MAP3K20: variants seen among roughly 807,000 people sequenced by gnomAD.
MAP3K20 encodes the protein mitogen-activated protein kinase kinase kinase 20.
A neutral mutation model predicts 85.7 loss-of-function variants in MAP3K20; 40 were observed. The ratio of observed to expected loss-of-function variants is 0.47; its 90% CI spans 0.36 to 0.61. MAP3K20 has a LOEUF of 0.61. Among genes scored for constraint, MAP3K20 ranks in the 20% least tolerant of loss-of-function variants. The pLI is 0.00. For missense variants in MAP3K20, 817 were observed against 961.7 expected (o/e 0.85, Z 1.99); for synonymous variants, 325 against 327.7 (o/e 0.99, Z 0.09).
At chr2:173,106,701 T>G (rs1284484035) in intron 2 of MAP3K20, among the ~76,000 whole-genome samples, 1 of 152,118 alleles carries the variant, frequency 6.6e-6, no homozygotes, top group Non-Finnish European at 1.5e-5. Context: ...ATTCTGTGAT[T>G]TGGCCTGGAA....
chr2:173,219,054 T>A (rs1193798579), intron 11 of MAP3K20, among the ~76,000 whole-genome samples: 11 of 152,242 alleles, frequency 7.2e-5, no homozygotes. Context: ...TTTTAATGTG[T>A]CTTCTGCTTA....
chr2:173,232,784 G>A (rs1462406017), intron 14 of MAP3K20, among the ~76,000 whole-genome samples: 2 of 152,100 alleles, frequency 1.3e-5, no homozygotes, highest in African/African-American at 2.4e-5. Flanking sequence ...GATTACAGGC[G>A]TGAGCCACCA....
At chr2:173,210,058 A>G (rs1347390678) in intron 10 of MAP3K20, 3 of 535,134 alleles carry the variant, frequency 5.6e-6, no homozygotes, top group Non-Finnish European at 1.0e-5. Flanking sequence ...AAGTATTTGA[A>G]AAGAATATTG....
chr2:173,239,034 C>T (rs917377727), intron 15 of MAP3K20, among the ~76,000 whole-genome samples: 1 of 152,136 alleles, frequency 6.6e-6, no homozygotes, highest in African/African-American at 2.4e-5. Flanking sequence ...CTGCGTAATC[C>T]GTCTTTGGGA....
At chr2:173,098,814 G>A (rs1269962596) in intron 2 of MAP3K20, among the ~76,000 whole-genome samples, 1 of 151,854 alleles carries the variant, frequency 6.6e-6, no homozygotes, top group Non-Finnish European at 1.5e-5. Context: ...TAGGTCAGTG[G>A]TTCTCTCAAA....
chr2:173,099,898 A>C (rs1383099286), intron 2 of MAP3K20, among the ~76,000 whole-genome samples: 1 of 152,232 alleles, frequency 6.6e-6, no homozygotes, highest in Non-Finnish European at 1.5e-5. Flanking sequence ...GAATGAGATC[A>C]TATATGTGAA....
chr2:173,195,467 A>G (rs1301444062), intron 7 of MAP3K20, among the ~76,000 whole-genome samples: 2 of 152,234 alleles, frequency 1.3e-5, no homozygotes, highest in Non-Finnish European at 2.9e-5. Context: ...TTTAAATGTG[A>G]GGACGTCTCA....
chr2:173,164,196 G>C (rs1689748218), intron 2 of MAP3K20, among the ~76,000 whole-genome samples: 1 of 152,074 alleles, frequency 6.6e-6, no homozygotes, highest in African/African-American at 2.4e-5. Flanking sequence ...CTGCCCTTGT[G>C]ATCTGCCCGC....
chr2:173,135,787 A>C (rs539555770), intron 2 of MAP3K20, among the ~76,000 whole-genome samples: 4 of 152,152 alleles, frequency 2.6e-5, no homozygotes, highest in Admixed American at 2.6e-4. Context: ...ACTCTAGACA[A>C]TTTTATCACA....
At chr2:173,101,448 C>T (rs1390702653) in intron 2 of MAP3K20, among the ~76,000 whole-genome samples, 1 of 152,148 alleles carries the variant, frequency 6.6e-6, no homozygotes, top group Non-Finnish European at 1.5e-5. Flanking sequence ...GCATATTGAG[C>T]AATAAACATT....
intron 14 of MAP3K20, among the ~76,000 whole-genome samples, chr2:173,237,019 CTTTTTTTTTTT>C (rs368196400): frequency 2.6e-5 from 2 of 75,538 alleles, no homozygotes; most frequent in African/African-American, 5.4e-5. Flanking sequence ...GTATATCCAC[CTTTTTTTTTTT>C]TTTTTTTTTT....
chr2:173,092,635 T>C (rs1687333264), intron 2 of MAP3K20, among the ~76,000 whole-genome samples: 1 of 152,204 alleles, frequency 6.6e-6, no homozygotes, highest in Non-Finnish European at 1.5e-5. Context: ...TATAGTCAGT[T>C]ATTTATATAT....
At chr2:173,100,891 GTTGAATAGCCATCCATCAC>G (rs1480727668) in intron 2 of MAP3K20, among the ~76,000 whole-genome samples, 1 of 152,182 alleles carries the variant, frequency 6.6e-6, no homozygotes, top group Non-Finnish European at 1.5e-5. Context: ...GGAAGTATAT[GTTGAATAGCCATCCATCAC>G]TCTGCTCTTT....
rs187908174 is a variant in MAP3K20 at position 173,236,260 on chromosome 2, C to T, written c.1204-2113C>T. Among the ~76,000 whole-genome samples the T allele has an allele frequency of 3.7e-3, 437 of 117,782 alleles. 6 individuals are homozygous for T. The highest frequency in any genetic ancestry group is 0.013 in the African/African-American group (398 of 30,616). 77.3% of individuals were successfully genotyped at this position (117,782 alleles called of 152,430 possible). A position where few individuals can be genotyped will look rare whatever the true frequency, so the allele number is the denominator to read the frequency against. Reference sequence around the variant, plus strand: ...TACAGCCTGGGCAATAGAGTGAGACCCTGTCTAAAAAAAAAAAAAAAAAAA... The same window carrying T: ...TACAGCCTGGGCAATAGAGTGAGACTCTGTCTAAAAAAAAAAAAAAAAAAA... On this transcript the variant is annotated intron_variant, in intron 14 of 19. Transcript: ENST00000375213.
At chr2:173,230,846 A>G (rs1361944187) in intron 12 of MAP3K20, among the ~76,000 whole-genome samples, 1 of 152,038 alleles carries the variant, frequency 6.6e-6, no homozygotes, top group African/African-American at 2.4e-5. Context: ...AAATACAAAA[A>G]TCAGCCAGGT....
At chr2:173,088,755 A>G (rs1482898209) in intron 1 of MAP3K20, among the ~76,000 whole-genome samples, 1 of 152,226 alleles carries the variant, frequency 6.6e-6, no homozygotes, top group Non-Finnish European at 1.5e-5. Context: ...CATACTCTAT[A>G]TACCTACCCT....
chr2:173,226,908 C>T, intron 11 of MAP3K20: 1 of 984,796 alleles, frequency 1.0e-6, no homozygotes, highest in South Asian at 4.7e-5. Flanking sequence ...CAATGTTATT[C>T]TGAGCAAGTC....
At chr2:173,175,343 C>T (rs906441953) in intron 3 of MAP3K20, among the ~76,000 whole-genome samples, 4 of 152,144 alleles carry the variant, frequency 2.6e-5, no homozygotes, top group Admixed American at 2.6e-4. Flanking sequence ...CATGACTGTT[C>T]CAAGTGTAAA....
At chr2:173,156,569 T>G (rs1337720725) in intron 2 of MAP3K20, among the ~76,000 whole-genome samples, 1 of 152,140 alleles carries the variant, frequency 6.6e-6, no homozygotes, top group African/African-American at 2.4e-5. Context: ...CATCAGGCAT[T>G]AGATTCTCAT....
Sources: gnomAD v4.1 joint callset for allele counts (sites outside exome capture counted in the v4.1 genomes callset) on GRCh38, gnomAD v4.1.1 for gene constraint, MANE v1.5 for transcripts, NCBI Gene and HGNC (gene_info 2026-07-23, HGNC 2026-07-21) for gene names.